KHDRBS3: variants seen among roughly 807,000 people sequenced by gnomAD.
The protein encoded by KHDRBS3 is KH RNA binding domain containing, signal transduction associated 3.
Under a neutral mutation model 45.6 loss-of-function variants are expected in KHDRBS3, and 23 were observed. The observed-to-expected ratio is 0.50, with a 90% CI of 0.36 to 0.72. KHDRBS3 has a LOEUF of 0.72. KHDRBS3 is among the 30% of genes least tolerant of loss of function. The probability of loss-of-function intolerance (pLI) is 0.00; values close to 1 mark genes in which losing one functional copy is unlikely to be tolerated. For synonymous variants in KHDRBS3, 162 were observed against 156.5 expected (o/e 1.04, Z -0.26); for missense variants, 352 against 424.8 (o/e 0.83, Z 1.51).
At chr8:135,536,262 T>TTAA (rs1491256544) in intron 2 of KHDRBS3, among the ~76,000 whole-genome samples, 1 of 98,762 alleles carries the variant, frequency 1.0e-5, no homozygotes, top group African/African-American at 3.4e-5. Flanking sequence ...TTTTTTTTTT[T>TTAA]ATTATTGTTT....
At chr8:135,601,534 A>G (rs977900449) in intron 6 of KHDRBS3, among the ~76,000 whole-genome samples, 4 of 152,248 alleles carry the variant, frequency 2.6e-5, no homozygotes, top group African/African-American at 9.6e-5. Flanking sequence ...TGGGAGGCAC[A>G]GGACACATTG....
intron 1 of KHDRBS3, among the ~76,000 whole-genome samples, chr8:135,471,384 T>C (rs375579831): frequency 9.2e-5 from 14 of 152,202 alleles, no homozygotes; most frequent in Admixed American, 4.6e-4. Context: ...TCCTACTGGA[T>C]TGGAGAAGTT....
chr8:135,638,189 T>C (rs1021328969), intron 7 of KHDRBS3, among the ~76,000 whole-genome samples: 4 of 152,226 alleles, frequency 2.6e-5, no homozygotes, highest in Non-Finnish European at 4.4e-5. Flanking sequence ...GAACTGTCTC[T>C]GAAACAGCAA....
chr8:135,539,798 T>G (rs1307968795), intron 2 of KHDRBS3: 1 of 152,196 alleles, frequency 6.6e-6, no homozygotes, highest in Non-Finnish European at 1.5e-5. Flanking sequence ...ATAAAAGTGT[T>G]TCTGGTTGTC....
At chr8:135,627,210 T>G (rs1345068881) in intron 7 of KHDRBS3, among the ~76,000 whole-genome samples, 1 of 152,214 alleles carries the variant, frequency 6.6e-6, no homozygotes. Context: ...TTACTAAGAA[T>G]CCAGACTGCT....
At chr8:135,558,601 G>A (rs1827010872) in intron 5 of KHDRBS3, among the ~76,000 whole-genome samples, 1 of 152,080 alleles carries the variant, frequency 6.6e-6, no homozygotes, top group Admixed American at 6.6e-5. Context: ...TTAATAAAAA[G>A]AGCTAATAGT....
chr8:135,541,134 G>A (rs1291079511), intron 2 of KHDRBS3: 1 of 152,186 alleles, frequency 6.6e-6, no homozygotes, highest in African/African-American at 2.4e-5. Context: ...AGGTATATAG[G>A]AAATGTATTT....
chr8:135,649,416 A>G (rs906761786), downstream of KHDRBS3, among the ~76,000 whole-genome samples: 8 of 152,252 alleles, frequency 5.3e-5, no homozygotes, highest in African/African-American at 1.9e-4. Context: ...ACAATCATGT[A>G]AAGTTTAATT....
At chr8:135,548,458 T>G (rs1398169086) in intron 3 of KHDRBS3, among the ~76,000 whole-genome samples, 2 of 152,020 alleles carry the variant, frequency 1.3e-5, no homozygotes, top group Non-Finnish European at 2.9e-5. Context: ...CTGGAGAAGG[T>G]GAAGACACCC....
intron 8 of KHDRBS3, among the ~76,000 whole-genome samples, chr8:135,646,404 C>T (rs1346003385): frequency 1.3e-5 from 2 of 152,110 alleles, no homozygotes; most frequent in Non-Finnish European, 2.9e-5. Flanking sequence ...TCGTTAAATT[C>T]ATTTCATATT....
chr8:135,523,421 T>A (rs1048042261), intron 2 of KHDRBS3, among the ~76,000 whole-genome samples: 8 of 152,148 alleles, frequency 5.3e-5, no homozygotes, highest in Non-Finnish European at 8.8e-5. Context: ...TTTTCCAGTT[T>A]TTTTTCTAAT....
At chr8:135,651,965 G>T (rs978600110), downstream of KHDRBS3, among the ~76,000 whole-genome samples, 3 of 152,078 alleles carry the variant, frequency 2.0e-5, no homozygotes, top group African/African-American at 7.2e-5. Flanking sequence ...ACAGAGACAG[G>T]TTCCAGAATG....
intron 1 of KHDRBS3, among the ~76,000 whole-genome samples, chr8:135,494,280 T>TA (rs1399333262): frequency 1.5e-5 from 2 of 132,298 alleles, no homozygotes; most frequent in African/African-American, 5.8e-5. Flanking sequence ...CTTATTTTTT[T>TA]TTTTTTTTTT....
chr8:135,611,761 G>T (rs1010553727), intron 7 of KHDRBS3, among the ~76,000 whole-genome samples: 1 of 151,864 alleles, frequency 6.6e-6, no homozygotes, highest in African/African-American at 2.4e-5. Flanking sequence ...ACAGTCTGAG[G>T]TACTGGATTA....
chr8:135,590,978 A>C (rs1375210179), intron 6 of KHDRBS3, among the ~76,000 whole-genome samples: 1 of 152,228 alleles, frequency 6.6e-6, no homozygotes, highest in African/African-American at 2.4e-5. Flanking sequence ...AAATGTAGTC[A>C]TACAAGCTCA....
chr8:135,530,194 A>G (rs1011580179), intron 2 of KHDRBS3, among the ~76,000 whole-genome samples: 2 of 152,144 alleles, frequency 1.3e-5, no homozygotes, highest in Admixed American at 1.3e-4. Context: ...AAGCAAAAAT[A>G]TTTTTAGTGG....
At chr8:135,615,008 T>A (rs1479959497) in intron 7 of KHDRBS3, among the ~76,000 whole-genome samples, 1 of 151,798 alleles carries the variant, frequency 6.6e-6, no homozygotes, top group Non-Finnish European at 1.5e-5. Context: ...TTGGCTGAAC[T>A]GACCTAACAG....
intron 6 of KHDRBS3, among the ~76,000 whole-genome samples, chr8:135,602,412 CT>C (rs1829257612): frequency 6.6e-6 from 1 of 152,126 alleles, no homozygotes; most frequent in Non-Finnish European, 1.5e-5. Flanking sequence ...CAAATTTAAT[CT>C]CTTAAAATCT....
chr8:135,635,640 C>T (rs141730299), intron 7 of KHDRBS3, among the ~76,000 whole-genome samples: 72 of 152,312 alleles, frequency 4.7e-4, no homozygotes, highest in Middle Eastern at 3.4e-3. Flanking sequence ...GCCTCGGTCT[C>T]CCAAAGTGCT....
Sources: gnomAD v4.1 joint callset for allele counts (sites outside exome capture counted in the v4.1 genomes callset) on GRCh38, gnomAD v4.1.1 for gene constraint, MANE v1.5 for transcripts, NCBI Gene and HGNC (gene_info 2026-07-23, HGNC 2026-07-21) for gene names.